The following SLC2A14 variants were observed in gnomAD, a reference collection of about 807,000 sequenced individuals.
SLC2A14 encodes the protein solute carrier family 2, facilitated glucose transporter member 14.
A neutral mutation model predicts 43.0 loss-of-function variants in SLC2A14; 13 were observed. The observed-to-expected ratio is 0.30, with a 90% CI of 0.20 to 0.48. SLC2A14 has a LOEUF of 0.48. Among genes scored for constraint, SLC2A14 ranks in the 20% least tolerant of loss-of-function variants. The probability of loss-of-function intolerance (pLI) is 0.99; values close to 1 mark genes in which losing one functional copy is unlikely to be tolerated. For missense variants in SLC2A14, 428 were observed against 620.4 expected, an observed-to-expected ratio of 0.69 and a Z score of 3.29; for synonymous variants, 190 against 233.8, an observed-to-expected ratio of 0.81 and a Z score of 1.71.
chr12:7,839,401 AGGAGT>A (rs1238931719), intron 2 of SLC2A14, among the ~76,000 whole-genome samples: 28 of 152,050 alleles, frequency 1.8e-4, no homozygotes, highest in African/African-American at 6.8e-4. Context: ...CGGATTTGGC[AGGAGT>A]GGAGTGAAGC....
intron 1 of SLC2A14, among the ~76,000 whole-genome samples, chr12:7,878,994 A>AC (rs1428480272): frequency 5.0e-4 from 46 of 92,584 alleles, no homozygotes; most frequent in Non-Finnish European, 9.3e-4. Flanking sequence ...AAAAAAAAAA[A>AC]AAAAAAAAAA....
At chr12:7,873,106 G>A (rs1945332145), upstream of SLC2A14, 4 of 985,554 alleles carry the variant, frequency 4.1e-6, no homozygotes, top group South Asian at 9.4e-5. Flanking sequence ...TCCAGCCCCG[G>A]CGGCTGCTGG....
rs750961279 is a variant in SLC2A14 at position 7,887,145 on chromosome 12, C to G, written c.132+3851G>C. Among the ~76,000 whole-genome samples, 145 of 152,122 alleles carry G rather than the reference C, an allele frequency of 9.5e-4. 1 individual carries two copies. The highest frequency in any genetic ancestry group is 4.1e-4 in the South Asian group (2 of 4,820). ...CAGGCTGGTCTCCAACTCCTGACCT[C>G]TGGTGATCCACCAACCTCAGCCTCC... is the stretch of plus-strand genomic sequence containing the variant. On this transcript the variant is annotated intron_variant, in intron 1 of 9. Coordinates refer to the SLC2A14 transcript ENST00000539924.
chr12:7,829,538 G>A (rs908002712), intron 5 of SLC2A14, among the ~76,000 whole-genome samples: 1 of 147,426 alleles, frequency 6.8e-6, no homozygotes, highest in African/African-American at 2.5e-5. Flanking sequence ...CTGGGTGACA[G>A]AGTGAAACTC....
intron 10 of SLC2A14, 71 bp from the exon 11 acceptor site, chr12:7,814,605 A>G (rs1213544190): frequency 6.7e-7 from 1 of 1,495,118 alleles, no homozygotes; most frequent in East Asian, 2.4e-5. Flanking sequence ...TTTCCTTCAC[A>G]TTCATATTTC....
chr12:7,891,019 G>T, exon 1 of SLC2A14: 1 of 1,534,916 alleles, frequency 6.5e-7, no homozygotes, highest in South Asian at 1.2e-5. Flanking sequence ...CCCCCATTCT[G>T]ACTCTTCTCC....
chr12:7,814,470 G>A lies in SLC2A14; in HGVS notation c.1340C>T (p.Thr447Ile), dbSNP rs1349425671. 5 of 1,613,544 alleles carry A rather than the reference G, an allele frequency of 3.1e-6. No homozygotes were observed. The highest frequency in any genetic ancestry group is 1.3e-5 in the African/African-American group (1 of 74,818). The change falls in exon 11 of 11, where the codon ACC becomes ATC. Residue 447 changes from threonine (T) to isoleucine (I), a missense_variant. Thr to Ile is a moderately conservative substitution (Grantham distance 89). This residue lies in a region of SLC2A14 where 119 missense variants were observed against 188.7 expected (regional missense o/e 0.63). Transcript: ENST00000431042. ...TGFLITFLAF[T>I]FFKVPETRGR... ...ACGGGTCTCAGGGACTTTGAAGAAG[G>A]TAAAGGCCAAGAAGGTAATGAGGAA... is the stretch of plus-strand genomic sequence containing the variant.
At chr12:7,838,570 G>GA (rs1191460600) in intron 2 of SLC2A14, among the ~76,000 whole-genome samples, 2 of 152,094 alleles carry the variant, frequency 1.3e-5, no homozygotes, top group African/African-American at 4.8e-5. Flanking sequence ...GCTCAGTTTG[G>GA]AAAAAAATTT....
intron 1 of SLC2A14, among the ~76,000 whole-genome samples, chr12:7,881,853 T>C (rs1264849364): frequency 6.6e-6 from 1 of 152,164 alleles, no homozygotes; most frequent in Non-Finnish European, 1.5e-5. Flanking sequence ...GCACCCTGTG[T>C]CTAGCTCAGG....
chr12:7,837,914 C>T (rs1165496259), intron 2 of SLC2A14, among the ~76,000 whole-genome samples: 2 of 151,280 alleles, frequency 1.3e-5, no homozygotes, highest in African/African-American at 2.4e-5. Context: ...CACGCCACCA[C>T]GCCTGGTTAA....
At chr12:7,862,166 A>T (rs1210909323) in intron 2 of SLC2A14, among the ~76,000 whole-genome samples, 1 of 144,146 alleles carries the variant, frequency 6.9e-6, no homozygotes, top group Non-Finnish European at 1.5e-5. Context: ...CAGGTGGCTG[A>T]GGCAGCAGAA....
intron 7 of SLC2A14, among the ~76,000 whole-genome samples, chr12:7,822,366 C>A (rs1306278209): frequency 2.6e-5 from 4 of 152,014 alleles, no homozygotes; most frequent in Admixed American, 2.0e-4. Context: ...GTCTACTTCA[C>A]CAACTTATAT....
rs1565507730 is a variant in SLC2A14, at chr12:7,826,868, TCTTTCTTTCTTTC to T, written c.864+614_864+626del. ...TTCCTTCCTTCCTTTCTTTTTTCTT[TCTTTCTTTCTTTC>T]TTTCTTTCTTTCTTTCTTTCTTTCT... On this transcript the variant is annotated intron_variant, in intron 7 of 10. Coordinates refer to ENST00000431042, the MANE Select transcript of SLC2A14 (RefSeq NM_001286234.2). Among the ~76,000 whole-genome samples the T allele has an allele frequency of 6.7e-4, 34 of 51,118 alleles. 2 individuals carry two copies. Among genetic ancestry groups the T allele is most frequent in the African/African-American group, 2.5e-3 (33 of 12,966 alleles). The allele number at this position is 51,118 out of a possible 152,430, so 33.5% of individuals were successfully genotyped here.
At chr12:7,882,779 G>A (rs376844712) in intron 1 of SLC2A14, among the ~76,000 whole-genome samples, 66 of 152,182 alleles carry the variant, frequency 4.3e-4, no homozygotes, top group Middle Eastern at 6.8e-3. Flanking sequence ...AGAGGCTGCA[G>A]TGAGCTGAGA....
At chr12:7,825,911 G>T (rs1864321622) in intron 7 of SLC2A14, among the ~76,000 whole-genome samples, 1 of 151,818 alleles carries the variant, frequency 6.6e-6, no homozygotes. Context: ...TGTTTTGCAG[G>T]GCCCAGACTG....
chr12:7,865,241 A>G (rs1944841766), intron 2 of SLC2A14, among the ~76,000 whole-genome samples: 1 of 152,144 alleles, frequency 6.6e-6, no homozygotes, highest in Admixed American at 6.6e-5. Flanking sequence ...TGAATATACA[A>G]AAATTAGCCA....
At chr12:7,821,570 C>T (rs1863911543) in intron 7 of SLC2A14, among the ~76,000 whole-genome samples, 1 of 152,200 alleles carries the variant, frequency 6.6e-6, no homozygotes, top group Non-Finnish European at 1.5e-5. Context: ...GTAGTCCCAG[C>T]TACTTGGGAG....
At chr12:7,883,590 CTTTTT>C (rs1204450230) in intron 1 of SLC2A14, among the ~76,000 whole-genome samples, 583 of 95,088 alleles carry the variant, frequency 6.1e-3, no homozygotes, top group Non-Finnish European at 9.8e-3. Flanking sequence ...TTTTTCTTTT[CTTTTT>C]TTTTTTTTTT....
chr12:7,835,400 A>T (rs939655557), intron 2 of SLC2A14, among the ~76,000 whole-genome samples: 11 of 152,316 alleles, frequency 7.2e-5, no homozygotes, highest in Non-Finnish European at 1.5e-4. Flanking sequence ...CAAACAAACA[A>T]AATTTACACC....
Sources: allele counts gnomAD v4.1 joint callset (sites outside exome capture counted in the v4.1 genomes callset), GRCh38; gene constraint gnomAD v4.1.1; regional missense constraint gnomAD v4.1.1; transcripts MANE v1.5; gene names NCBI Gene and HGNC (gene_info 2026-07-23, HGNC 2026-07-21).